The following EEF2K variants were observed in gnomAD, a reference collection of about 807,000 sequenced individuals.
The protein encoded by EEF2K is alternative protein EEF2K.
A neutral mutation model predicts 93.8 loss-of-function variants in EEF2K; 70 were observed. The observed-to-expected ratio is 0.75, with a 90% CI of 0.62 to 0.91. The LOEUF (loss-of-function observed/expected upper bound fraction) is 0.91. EEF2K is among the 40% of genes least tolerant of loss of function. The pLI is 0.00. For missense variants in EEF2K, 935 were observed against 972.9 expected (o/e 0.96, Z 0.52); for synonymous variants, 376 against 380.8 (o/e 0.99, Z 0.15).
At position 22,226,517 on chromosome 16, in the gene EEF2K, C is replaced by CTTTTTTTTTTTTTTTTTTTTTTTT. The variant is rs553013823; in HGVS notation, c.246+557_246+558insTTTTTTTTTTTTTTTTTTTTTTTT. Among the ~76,000 whole-genome samples, 56 of 106,852 alleles carry CTTTTTTTTTTTTTTTTTTTTTTTT rather than the reference C, an allele frequency of 5.2e-4. 4 individuals carry two copies. The highest frequency in any genetic ancestry group is 2.2e-3 in the African/African-American group (53 of 23,630). The allele number at this position is 106,852 out of a possible 152,430, so 70.1% of individuals were successfully genotyped here. ...CTTTTTCTTTCTTTTCCTTCTTCTT[C>CTTTTTTTTTTTTTTTTTTTTTTTT]TTTTTTTTTTTTTTTATAAACGTGG... On this transcript the variant is annotated intron_variant, in intron 2 of 17. Transcript: ENST00000263026.
At chr16:22,219,078 A>G (rs1226181393) in intron 1 of EEF2K, among the ~76,000 whole-genome samples, 1 of 152,058 alleles carries the variant, frequency 6.6e-6, no homozygotes, top group Admixed American at 6.6e-5. Context: ...ACAGGAGTAG[A>G]TCCTTTCTTT....
At chr16:22,277,318 A>G (rs2047647013) in intron 16 of EEF2K, among the ~76,000 whole-genome samples, 1 of 152,102 alleles carries the variant, frequency 6.6e-6, no homozygotes, top group Non-Finnish European at 1.5e-5. Context: ...TATTTTTTGT[A>G]GAGCTGGGGT....
intron 16 of EEF2K, among the ~76,000 whole-genome samples, chr16:22,274,994 C>T (rs538810480): frequency 6.6e-6 from 1 of 152,194 alleles, no homozygotes; most frequent in African/African-American, 2.4e-5. Flanking sequence ...TAGCAAGTGG[C>T]AGAGCCAACT....
intron 1 of EEF2K, among the ~76,000 whole-genome samples, chr16:22,212,987 A>G (rs1293533917): frequency 6.6e-6 from 1 of 151,896 alleles, no homozygotes; most frequent in Non-Finnish European, 1.5e-5. Flanking sequence ...CTCTTAAAAA[A>G]GAAAGAAAGA....
chr16:22,282,351 A>G (rs796110600), intron 17 of EEF2K, among the ~76,000 whole-genome samples: 2 of 152,168 alleles, frequency 1.3e-5, no homozygotes, highest in East Asian at 3.9e-4. Flanking sequence ...GGAGACAGCA[A>G]GAGAGCTCTG....
chr16:22,279,331 G>T (rs1313691986), intron 16 of EEF2K, among the ~76,000 whole-genome samples: 1 of 151,280 alleles, frequency 6.6e-6, no homozygotes, highest in South Asian at 2.1e-4. Context: ...TCTAACTCCT[G>T]GGCTCAAGCT....
chr16:22,220,587 G>A (rs2047002130), intron 1 of EEF2K, among the ~76,000 whole-genome samples: 1 of 152,130 alleles, frequency 6.6e-6, no homozygotes, highest in Non-Finnish European at 1.5e-5. Flanking sequence ...GGGACTACAG[G>A]CACACACCAC....
intron 13 of EEF2K, among the ~76,000 whole-genome samples, chr16:22,265,697 G>A (rs2047510679): frequency 6.6e-6 from 1 of 152,230 alleles, no homozygotes; most frequent in African/African-American, 2.4e-5. Flanking sequence ...ATTGCAAGAT[G>A]TTTAGCATGC....
rs749303577 is a variant in EEF2K, at chr16:22,257,342, G to T, written c.858G>T (p.Gln286His). ...TTGGGGATCTCTACACTGACCCACA[G>T]ATCCACACGGAGACGGGCACTGACT... ...QGVGDLYTDP[Q>H]IHTETGTDFG... The change falls in exon 8 of 18, where the codon CAG (glutamine) becomes CAT (histidine). Residue 286 changes from glutamine to histidine, a missense_variant. Coordinates refer to ENST00000263026, the MANE Select transcript of EEF2K (RefSeq NM_013302.5). 1.2e-6 allele frequency: 2 copies of T among 1,614,102 alleles called. No individual in the cohort carries two copies. Among genetic ancestry groups the T allele is most frequent in the South Asian group, 1.1e-5 (1 of 91,080 alleles).
chr16:22,248,672 C>A (rs1400288983), intron 3 of EEF2K, 83 bp from the exon 4 acceptor site: 7 of 1,550,274 alleles, frequency 4.5e-6, no homozygotes, highest in Non-Finnish European at 6.2e-6. Flanking sequence ...AGTGGGGAGC[C>A]CAGAAGGGTC....
chr16:22,233,441 G>T (rs1421762529), intron 2 of EEF2K, among the ~76,000 whole-genome samples: 1 of 151,880 alleles, frequency 6.6e-6, no homozygotes, highest in African/African-American at 2.4e-5. Flanking sequence ...GACTTTTGGC[G>T]GCCGAGGCAG....
At chr16:22,240,258 CAAA>C (rs1417900828) in intron 2 of EEF2K, among the ~76,000 whole-genome samples, 12 of 152,130 alleles carry the variant, frequency 7.9e-5, no homozygotes, top group South Asian at 2.1e-4. Context: ...AAGTCAATAA[CAAA>C]AAAGTTATAC....
At chr16:22,209,420 G>A (rs1286892581) in intron 1 of EEF2K, among the ~76,000 whole-genome samples, 5 of 152,154 alleles carry the variant, frequency 3.3e-5, no homozygotes, top group Non-Finnish European at 5.9e-5. Flanking sequence ...TGGTTGCCGG[G>A]ACTCTGGGAG....
rs1461922863 is a variant in EEF2K, at chr16:22,263,156, G to T, written c.1346G>T (p.Gly449Val). 1 of 1,612,956 alleles carries T rather than the reference G, an allele frequency of 6.2e-7. No individual in the cohort carries two copies. Among genetic ancestry groups the T allele is most frequent in the South Asian group, 1.1e-5 (1 of 90,916 alleles). ...GDSGYPSEKR[G>V]ELDDPEPREH... is the part of the protein sequence containing the mutation. ...AGCGGATACCCCAGTGAGAAGCGGG[G>T]TGAGCTGGATGACCCTGAGCCCCGA... Residue 449 changes from glycine to valine, a missense_variant, in exon 12 of 18, where the codon GGT becomes GTT. By Grantham distance (109) the Gly-to-Val change is moderately radical (BLOSUM62 -3). Coordinates refer to ENST00000263026, the MANE Select transcript of EEF2K (RefSeq NM_013302.5).
chr16:22,258,170 G>C (rs974073946), intron 9 of EEF2K, among the ~76,000 whole-genome samples: 1 of 152,090 alleles, frequency 6.6e-6, no homozygotes, highest in African/African-American at 2.4e-5. Context: ...TTGGACCAGG[G>C]ACAAGAGAAT....
chr16:22,270,464 T>C lies in EEF2K; in HGVS notation c.1765-3162T>C. The stretch of plus-strand genomic sequence containing the variant: ...TTAGTGCAGATGGGGTTTCGTCATG[T>C]TGTTCTCAAATTTTTGACCTCAAGT... On this transcript the variant is annotated intron_variant, in intron 15 of 17. Transcript: ENST00000263026. 1.3e-5 allele frequency among the ~76,000 whole-genome samples: 2 copies of C among 151,978 alleles called. 1 individual carries two copies.
chr16:22,278,139 T>C (rs1263758901), intron 16 of EEF2K, among the ~76,000 whole-genome samples: 1 of 152,116 alleles, frequency 6.6e-6, no homozygotes, highest in Non-Finnish European at 1.5e-5. Flanking sequence ...CCCAGGACTT[T>C]GAGGCTGCAG....
intron 2 of EEF2K, among the ~76,000 whole-genome samples, chr16:22,231,998 C>CAAAAAAAAAAAAA (rs35198909): frequency 1.5e-5 from 1 of 65,986 alleles, no homozygotes; most frequent in East Asian, 5.0e-4. Flanking sequence ...CTTAAACAAA[C>CAAAAAAAAAAAAA]AAAAAAAAAA....
intron 3 of EEF2K, among the ~76,000 whole-genome samples, chr16:22,246,515 T>TAAAAAAA (rs746408835): frequency 4.3e-5 from 3 of 70,506 alleles, no homozygotes; most frequent in Non-Finnish European, 5.3e-5. Context: ...GACTCAGTCT[T>TAAAAAAA]AAAAAAAAAA....
Sources: allele counts gnomAD v4.1 joint callset (sites outside exome capture counted in the v4.1 genomes callset), GRCh38; gene constraint gnomAD v4.1.1; transcripts MANE v1.5; gene names NCBI Gene and HGNC (gene_info 2026-07-23, HGNC 2026-07-21).